Variants in NFASC observed in about 807,000 individuals in gnomAD.
The protein encoded by NFASC is neurofascin homolog.
A neutral mutation model predicts 147.5 loss-of-function variants in NFASC; 43 were observed. The ratio of observed to expected loss-of-function variants is 0.29; its 90% CI spans 0.23 to 0.38. The LOEUF (loss-of-function observed/expected upper bound fraction) is 0.38. Ranked by LOEUF, NFASC falls within the 10% of genes least tolerant of loss-of-function variation. The pLI is 1.00. For missense variants in NFASC, 1,320 were observed against 1,689.0 expected, an observed-to-expected ratio of 0.78 and a Z score of 3.83; for synonymous variants, 622 against 665.5, an observed-to-expected ratio of 0.93 and a Z score of 1.01.
rs781143124 is a variant in NFASC, at chr1:204,897,749, T to TG, written c.-199-22875dup. On this transcript the variant is annotated intron_variant, in intron 1 of 29. Transcript: ENST00000339876. The stretch of plus-strand genomic sequence containing the variant: ...CCACCATGCTCAGCTAATTTTTTTT[T>TG]GGGGGGGGCAGAGTCTTGCTCTGTC... Among the ~76,000 whole-genome samples, 116 of 150,764 alleles carry TG rather than the reference T, an allele frequency of 7.7e-4. No homozygotes were observed. The East Asian group carries it at 0.011, about 14-fold the overall frequency.
chr1:204,910,408 A>G (rs771125024), intron 1 of NFASC, among the ~76,000 whole-genome samples: 8 of 152,026 alleles, frequency 5.3e-5, no homozygotes, highest in Non-Finnish European at 1.2e-4. Context: ...TTTGTCTTGT[A>G]TCCTGCAACT....
intron 3 of NFASC, among the ~76,000 whole-genome samples, chr1:204,945,186 C>T (rs534333054): frequency 2.0e-5 from 3 of 152,352 alleles, no homozygotes; most frequent in Non-Finnish European, 2.9e-5. Flanking sequence ...CCAAGCTCCT[C>T]GGCCCTGCCT....
intron 1 of NFASC, among the ~76,000 whole-genome samples, chr1:204,901,801 A>G (rs1280025873): frequency 1.3e-5 from 2 of 152,166 alleles, no homozygotes; most frequent in Non-Finnish European, 2.9e-5. Flanking sequence ...CAGGAGGTAG[A>G]GGAGGATTGC....
At chr1:205,004,527 T>C (rs888440934) in intron 27 of NFASC, among the ~76,000 whole-genome samples, 5 of 152,228 alleles carry the variant, frequency 3.3e-5, no homozygotes, top group African/African-American at 1.2e-4. Context: ...GAGTACATAT[T>C]GTCCACTTCT....
intron 2 of NFASC, among the ~76,000 whole-genome samples, chr1:204,932,064 A>G (rs2092408788): frequency 6.6e-6 from 1 of 152,050 alleles, no homozygotes. Context: ...AGGGGATACT[A>G]TAAGGCAGAG....
At chr1:204,872,801 A>G (rs1484760289) in intron 1 of NFASC, among the ~76,000 whole-genome samples, 2 of 152,138 alleles carry the variant, frequency 1.3e-5, no homozygotes, top group African/African-American at 2.4e-5. Context: ...TATAATCACA[A>G]TGGCTCTTCA....
In NFASC at chr1:204,828,750, C is replaced by T. The variant is rs1264112509; in HGVS notation, c.-232C>T. On this transcript the variant is annotated 5_prime_UTR_variant, in exon 1 of 30. Transcript: ENST00000339876. ...CGGCGCCGGCAGCGGACAGCTCGGA[C>T]AGCGCCCAGGGCCGGAGCCCGAGCC... 2 of 985,826 alleles carry T rather than the reference C, an allele frequency of 2.0e-6. No homozygotes were observed. The highest frequency in any genetic ancestry group is 2.3e-4 in the East Asian group (2 of 8,802). 61.1% of individuals were successfully genotyped at this position (985,826 alleles called of 1,614,324 possible).
rs1265578272 is a variant in NFASC, at chr1:204,975,823, G to T, written c.1706+405G>T. Among the ~76,000 whole-genome samples the T allele has an allele frequency of 1.3e-5, 2 of 152,108 alleles. No homozygotes were observed. The highest frequency in any genetic ancestry group is 2.9e-5 in the Non-Finnish European group (2 of 67,998). On this transcript the variant is annotated intron_variant, in intron 15 of 29. Coordinates refer to ENST00000339876, the MANE Select transcript of NFASC (RefSeq NM_001005388.3). The surrounding 1 kb of genome is among the most constrained non-coding windows in gnomAD (Gnocchi z 4.0). ...TGCAGTACCCCTAATCTTCAGCAGAGGGCAGGGTTGATCTGAGCCAGCTCT... is the reference window on the plus strand; with the variant it reads ...TGCAGTACCCCTAATCTTCAGCAGATGGCAGGGTTGATCTGAGCCAGCTCT...
chr1:204,974,312 C>T, intron 13 of NFASC, 22 bp downstream of exon 13: 1 of 1,572,130 alleles, frequency 6.4e-7, no homozygotes, highest in Non-Finnish European at 8.8e-7. Flanking sequence ...GAGATCAGGC[C>T]TTCCACAGCA....
rs1374754716 is a variant in NFASC at position 204,877,013 on chromosome 1, TATATATATATATATAATA to T, written c.-199-43618_-199-43601del. Among the ~76,000 whole-genome samples the T allele has an allele frequency of 1.0e-3, 113 of 111,342 alleles. 12 individuals carry two copies. The East Asian group carries it at 0.015, about 14-fold the overall frequency. 73.0% of individuals were successfully genotyped at this position (111,342 alleles called of 152,430 possible). A position where few individuals can be genotyped will look rare whatever the true frequency, so the allele number is the denominator to read the frequency against. On this transcript the variant is annotated intron_variant, in intron 1 of 29. Transcript: ENST00000339876. ...CTAAATATGTATATATATATATATA[TATATATATATATATAATA>T]TATATTTATATATATATAATATATT...
intron 2 of NFASC, among the ~76,000 whole-genome samples, chr1:204,940,318 T>G (rs1411928154): frequency 1.3e-5 from 2 of 152,162 alleles, no homozygotes; most frequent in Admixed American, 6.5e-5. Context: ...CTGGGTGTGG[T>G]GGCACATGCC....
At chr1:204,972,653 T>A (rs2095294313) in intron 11 of NFASC, among the ~76,000 whole-genome samples, 1 of 151,926 alleles carries the variant, frequency 6.6e-6, no homozygotes, top group South Asian at 2.1e-4. Flanking sequence ...TCATTCCATT[T>A]TCAAGAGGCA....
intron 1 of NFASC, among the ~76,000 whole-genome samples, chr1:204,918,504 C>G (rs1182222540): frequency 6.6e-6 from 1 of 151,474 alleles, no homozygotes; most frequent in Non-Finnish European, 1.5e-5. Flanking sequence ...TTGTTTTAAT[C>G]TATGTGTAGT....
At chr1:204,984,102 T>A in intron 21 of NFASC, 2 of 1,614,112 alleles carry the variant, frequency 1.2e-6, no homozygotes, top group Non-Finnish European at 1.7e-6. Flanking sequence ...TGGAACCGCG[T>A]CTACTCCGAC....
intron 10 of NFASC, 74 bp from the exon 11 acceptor site, chr1:204,970,542 A>C (rs571135090): frequency 1.7e-4 from 272 of 1,571,844 alleles, no homozygotes; most frequent in Middle Eastern, 9.1e-4. Flanking sequence ...GCCATACTAG[A>C]GGGAGACTGC....
Position 205,016,569 on chromosome 1 carries a change from T to C in NFASC, c.*30T>C. ...GCCCACCCAGGCACAGCCACCACTT[T>C]GCAAGTGGGAGGAGGGGAGAAGGGG... On this transcript the variant is annotated 3_prime_UTR_variant, in exon 30 of 30. Coordinates refer to ENST00000339876, the MANE Select transcript of NFASC (RefSeq NM_001005388.3). The surrounding 1 kb of genome is among the most constrained non-coding windows in gnomAD (Gnocchi z 5.1). 6.5e-7 allele frequency: 1 copy of C among 1,533,276 alleles called. No individual in the cohort carries two copies. Among genetic ancestry groups the C allele is most frequent in the Non-Finnish European group, 9.0e-7 (1 of 1,106,736 alleles). 95.0% of individuals were successfully genotyped at this position (1,533,276 alleles called of 1,614,324 possible). A position where few individuals can be genotyped will look rare whatever the true frequency, so the allele number is the denominator to read the frequency against.
intron 1 of NFASC, among the ~76,000 whole-genome samples, chr1:204,910,503 C>T (rs2087109641): frequency 8.4e-6 from 1 of 119,252 alleles, no homozygotes; most frequent in Non-Finnish European, 1.9e-5. Context: ...AATGCAGTGG[C>T]ACCTTCTTTG....
chr1:204,994,860 G>A (rs969918816), intron 24 of NFASC, among the ~76,000 whole-genome samples: 14 of 152,262 alleles, frequency 9.2e-5, no homozygotes, highest in Non-Finnish European at 1.8e-4. Context: ...ACTCCGGCAG[G>A]TGCACACTTT....
rs779387518 is a variant in NFASC at position 204,950,545 on chromosome 1, C to T, written c.92-12C>T. 26 of 1,611,494 alleles carry T rather than the reference C, an allele frequency of 1.6e-5. No individual in the cohort carries two copies. The highest frequency in any genetic ancestry group is 3.3e-4 in the Middle Eastern group (2 of 6,084). ...TTCTCCCTCTCCAATGCTAACCCGT[C>T]GGAACTAACAGCAAGCATTCAGAAT... On this transcript the variant is annotated splice_polypyrimidine_tract_variant and intron_variant, in intron 3 of 29. Coordinates refer to ENST00000339876, the MANE Select transcript of NFASC (RefSeq NM_001005388.3).
Sources: gnomAD v4.1 joint callset for allele counts (sites outside exome capture counted in the v4.1 genomes callset) on GRCh38, gnomAD v4.1.1 for gene constraint, Gnocchi (gnomAD v3.1) non-coding constraint, MANE v1.5 for transcripts, NCBI Gene and HGNC (gene_info 2026-07-23, HGNC 2026-07-21) for gene names.